Variants in PER3 observed in about 807,000 individuals in gnomAD.
PER3 encodes period circadian protein homolog 3.
A neutral mutation model predicts 127.2 loss-of-function variants in PER3; 107 were observed. The observed-to-expected ratio is 0.84, with a 90% CI of 0.72 to 0.99. PER3 has a LOEUF of 0.99. Ranked by LOEUF, PER3 falls within the 50% of genes least tolerant of loss-of-function variation. The pLI, the probability that PER3 is intolerant of heterozygous loss-of-function variation, is 0.00. For synonymous variants in PER3, 618 were observed against 585.8 expected (o/e 1.05, Z -0.79); for missense variants, 1,560 against 1,525.8 (o/e 1.02, Z -0.37).
chr1:7,836,385 G>A (rs1366914827), intron 20 of PER3, among the ~76,000 whole-genome samples: 1 of 152,090 alleles, frequency 6.6e-6, no homozygotes, highest in Non-Finnish European at 1.5e-5. Flanking sequence ...CCTCATGTTG[G>A]CCAGGTTGAT....
At chr1:7,802,279 T>C (rs1210537416) in intron 8 of PER3, among the ~76,000 whole-genome samples, 2 of 152,212 alleles carry the variant, frequency 1.3e-5, no homozygotes, top group Non-Finnish European at 2.9e-5. Context: ...TGTTTTGTTT[T>C]TGAGATGGAG....
intron 19 of PER3, among the ~76,000 whole-genome samples, chr1:7,831,466 A>G (rs960160690): frequency 2.6e-5 from 4 of 152,174 alleles, no homozygotes; most frequent in Non-Finnish European, 5.9e-5. Context: ...TGAACTGGCT[A>G]GGACCCACAG....
At chr1:7,785,645 C>T in intron 3 of PER3, 59 bp downstream of exon 3, 10 of 1,459,310 alleles carry the variant, frequency 6.9e-6, no homozygotes, top group Middle Eastern at 1.8e-4. Flanking sequence ...TACAAGCAGC[C>T]AGAGGAGTGG....
intron 10 of PER3, among the ~76,000 whole-genome samples, chr1:7,806,242 C>G (rs1299736535): frequency 6.6e-6 from 1 of 152,154 alleles, no homozygotes; most frequent in Non-Finnish European, 1.5e-5. Flanking sequence ...CCCAGCAGCA[C>G]TGCAGGCAAG....
At chr1:7,799,816 C>T (rs1486314208) in intron 7 of PER3, among the ~76,000 whole-genome samples, 1 of 152,026 alleles carries the variant, frequency 6.6e-6, no homozygotes, top group African/African-American at 2.4e-5. Flanking sequence ...GTCACTCAGG[C>T]TGGAGTGCAG....
rs2097397941 is a variant in PER3 at position 7,842,815 on chromosome 1, T to C, written c.*60T>C. 1 of 1,452,838 alleles carries C rather than the reference T, an allele frequency of 6.9e-7. No individual in the cohort carries two copies. The highest frequency in any genetic ancestry group is 9.5e-7 in the Non-Finnish European group (1 of 1,054,442). The allele number at this position is 1,452,838 out of a possible 1,614,324, so 90.0% of individuals were successfully genotyped here. On this transcript the variant is annotated 3_prime_UTR_variant, in exon 22 of 22. Coordinates refer to ENST00000377532, the MANE Select transcript of PER3 (RefSeq NM_001377275.1). ...AGACGTGTTACACAGACAGACCTTT[T>C]TAAGTCCTGGACTTTTAAATGACCA...
intron 16 of PER3, among the ~76,000 whole-genome samples, chr1:7,824,599 T>C (rs1329913292): frequency 6.6e-6 from 1 of 152,254 alleles, no homozygotes; most frequent in East Asian, 1.9e-4. Context: ...ATACTGTGAA[T>C]GGGTACCAAA....
intron 10 of PER3, 96 bp from the exon 11 acceptor site, chr1:7,808,797 G>A: frequency 7.3e-6 from 5 of 688,834 alleles, no homozygotes; most frequent in East Asian, 2.7e-5. Flanking sequence ...GAATTGTTTT[G>A]TAAAAGCATA....
chr1:7,803,879 A>C, intron 10 of PER3, 31 bp downstream of exon 10: 1 of 1,567,892 alleles, frequency 6.4e-7, no homozygotes, highest in East Asian at 2.2e-5. Context: ...ATTTTCTAAA[A>C]CATCTCTTGT....
intron 13 of PER3, 104 bp from the exon 14 acceptor site, chr1:7,819,181 A>G: frequency 1.1e-6 from 1 of 907,338 alleles, no homozygotes; most frequent in Non-Finnish European, 1.7e-6. Context: ...TATTCTGTTG[A>G]TATATACATG....
At chr1:7,791,009 G>A (rs2097117272) in intron 5 of PER3, among the ~76,000 whole-genome samples, 1 of 152,200 alleles carries the variant, frequency 6.6e-6, no homozygotes, top group South Asian at 2.1e-4. Context: ...GGCTGGCATT[G>A]AGTGTCTGTG....
chr1:7,806,841 TACAC>T (rs201717412), intron 10 of PER3, among the ~76,000 whole-genome samples: 17 of 109,692 alleles, frequency 1.5e-4, no homozygotes, highest in African/African-American at 4.8e-4. Context: ...ATATATTACA[TACAC>T]ACACACACAT....
intron 4 of PER3, chr1:7,787,244 C>T: frequency 1.1e-6 from 1 of 892,340 alleles, no homozygotes; most frequent in East Asian, 1.0e-4. Flanking sequence ...TGTTATAGAA[C>T]AGGTGAGTTG....
intron 5 of PER3, among the ~76,000 whole-genome samples, chr1:7,788,883 G>A (rs228726): frequency 0.077 from 11,225 of 146,458 alleles, 527 homozygotes; most frequent in Middle Eastern, 0.13. Context: ...CAGCCTGGGC[G>A]ACAAGCGTGA....
At chr1:7,808,739 A>G (rs762445707) in intron 10 of PER3, among the ~76,000 whole-genome samples, 154 bp from the exon 11 acceptor site, 8 of 152,322 alleles carry the variant, frequency 5.3e-5, no homozygotes, top group Non-Finnish European at 8.8e-5. Context: ...TATTTTCTGT[A>G]CCTTCATGAA....
chr1:7,794,278 A>G (rs1245450345), intron 6 of PER3, among the ~76,000 whole-genome samples: 1 of 152,152 alleles, frequency 6.6e-6, no homozygotes, highest in African/African-American at 2.4e-5. Context: ...GCGGATCACA[A>G]GGTCAAGGGG....
chr1:7,804,027 T>G (rs988055212), intron 10 of PER3, 179 bp downstream of exon 10: 11 of 506,874 alleles, frequency 2.2e-5, no homozygotes, highest in African/African-American at 2.1e-4. Context: ...GAAGTCATAA[T>G]ATCAGCCTTA....
intron 5 of PER3, among the ~76,000 whole-genome samples, chr1:7,792,256 A>G (rs2097125211): frequency 6.6e-6 from 1 of 152,144 alleles, no homozygotes; most frequent in Admixed American, 6.5e-5. Context: ...AGCGCCAAGC[A>G]AAAGGGGGAA....
chr1:7,828,033 A>T (rs2097311312), intron 18 of PER3, among the ~76,000 whole-genome samples: 2 of 152,318 alleles, frequency 1.3e-5, no homozygotes, highest in South Asian at 4.1e-4. Flanking sequence ...CTAGTTTCTT[A>T]TATACTTTGT....
Sources: gnomAD v4.1 joint callset for allele counts (sites outside exome capture counted in the v4.1 genomes callset) on GRCh38, gnomAD v4.1.1 for gene constraint, MANE v1.5 for transcripts, NCBI Gene and HGNC (gene_info 2026-07-23, HGNC 2026-07-21) for gene names.